PRKN: variants seen among roughly 807,000 people sequenced by gnomAD.
The protein encoded by PRKN is E3 ubiquitin-protein ligase parkin.
PRKN carries 56 observed loss-of-function variants against 59.5 expected under a neutral mutation model. The observed-to-expected ratio is 0.94, with a 90% confidence interval of 0.76 to 1.18. The LOEUF (loss-of-function observed/expected upper bound fraction) is 1.18. PRKN is among the 50% of genes most tolerant of loss of function. The probability of loss-of-function intolerance (pLI) is 0.00; values close to 1 mark genes in which losing one functional copy is unlikely to be tolerated. For synonymous variants in PRKN, 250 were observed against 222.1 expected (o/e 1.13, Z -1.12); for missense variants, 657 against 596.4 (o/e 1.10, Z -1.06).
chr6:162,555,999 A>AG (rs58651355), intron 1 of PRKN, among the ~76,000 whole-genome samples: 1 of 150,186 alleles, frequency 6.7e-6, no homozygotes, highest in Non-Finnish European at 1.5e-5. Flanking sequence ...AAAAAAAAAA[A>AG]GTGAGAAAAC....
chr6:162,298,266 A>C (rs1781772875), intron 2 of PRKN, among the ~76,000 whole-genome samples: 1 of 151,908 alleles, frequency 6.6e-6, no homozygotes, highest in Non-Finnish European at 1.5e-5. Context: ...TGGGGACTGC[A>C]ACCCTCTAGG....
At position 161,549,715 on chromosome 6, in the gene PRKN, C is replaced by T. The variant is rs948331655; in HGVS notation, c.934-712G>A. 6.6e-6 allele frequency among the ~76,000 whole-genome samples: 1 copy of T among 152,142 alleles called. No individual in the cohort carries two copies. The highest frequency in any genetic ancestry group is 6.5e-5 in the Admixed American group (1 of 15,270). ...TTTCAAGGTCTTCTTTGTGGCAGCC[C>T]TACACTTTTGATCTTACATTATTTG... is the stretch of plus-strand genomic sequence containing the variant. On this transcript the variant is annotated intron_variant, in intron 8 of 11. Coordinates refer to ENST00000366898, the MANE Select transcript of PRKN (RefSeq NM_004562.3). This position sits in a 1 kb window ranked among gnomAD's most constrained non-coding sequence, Gnocchi z 6.0.
intron 2 of PRKN, among the ~76,000 whole-genome samples, chr6:162,372,427 G>T (rs1583456300): frequency 1.3e-5 from 2 of 150,898 alleles, no homozygotes; most frequent in Non-Finnish European, 1.5e-5. Context: ...CTACACATGC[G>T]ATCCTCACGA....
At chr6:161,501,103 G>A (rs1777946896) in intron 9 of PRKN, among the ~76,000 whole-genome samples, 1 of 152,080 alleles carries the variant, frequency 6.6e-6, no homozygotes, top group South Asian at 2.1e-4. Flanking sequence ...TCGAACTCCT[G>A]ACCTCGTGAT....
intron 2 of PRKN, among the ~76,000 whole-genome samples, chr6:162,318,248 CTTT>C (rs1256343550): frequency 6.6e-6 from 1 of 151,958 alleles, no homozygotes; most frequent in Non-Finnish European, 1.5e-5. Flanking sequence ...AATTTTATTC[CTTT>C]TTAACGGTGA....
Position 162,597,372 on chromosome 6 carries a change from C to T in PRKN, c.7+130290G>A, listed in dbSNP as rs533571189. On this transcript the variant is annotated intron_variant, in intron 1 of 11. Coordinates refer to ENST00000366898, the MANE Select transcript of PRKN (RefSeq NM_004562.3). Reference sequence around the variant, plus strand: ...TTTCTACTATTTTAGATGTATTTTACGAGGTGGAATTAAAAATGAACATTG... The same window carrying T: ...TTTCTACTATTTTAGATGTATTTTATGAGGTGGAATTAAAAATGAACATTG... Among the ~76,000 whole-genome samples the T allele has an allele frequency of 3.2e-4, 48 of 152,192 alleles. No homozygotes were observed. In the South Asian group the frequency reaches 9.3e-3, roughly 30 times the overall value.
intron 7 of PRKN, among the ~76,000 whole-genome samples, chr6:161,770,540 T>G (rs1255836076): frequency 6.6e-6 from 1 of 152,110 alleles, no homozygotes; most frequent in African/African-American, 2.4e-5. Context: ...CCGTCTCAGC[T>G]CACTGTAACC....
At chr6:162,048,179 C>T (rs1175808520) in intron 5 of PRKN, among the ~76,000 whole-genome samples, 1 of 152,022 alleles carries the variant, frequency 6.6e-6, no homozygotes, top group Non-Finnish European at 1.5e-5. Flanking sequence ...AATTCTGCCT[C>T]TCAAAAATAG....
chr6:162,098,888 G>C (rs1027011317), intron 4 of PRKN, among the ~76,000 whole-genome samples: 13 of 152,158 alleles, frequency 8.5e-5, no homozygotes, highest in African/African-American at 2.4e-4. Flanking sequence ...AGTGAAGAGG[G>C]GTGGATGGAT....
chr6:162,181,769 G>A (rs1388703281), intron 4 of PRKN, among the ~76,000 whole-genome samples: 1 of 152,142 alleles, frequency 6.6e-6, no homozygotes, highest in Non-Finnish European at 1.5e-5. Context: ...ATCATTGCTT[G>A]TCAGCTTCCA....
At chr6:161,490,717 GA>G (rs1465103390) in intron 9 of PRKN, among the ~76,000 whole-genome samples, 1 of 152,030 alleles carries the variant, frequency 6.6e-6, no homozygotes, top group Non-Finnish European at 1.5e-5. Flanking sequence ...CATAGATACA[GA>G]GAGGGTTTGG....
intron 6 of PRKN, among the ~76,000 whole-genome samples, chr6:161,877,094 A>G (rs1562358660): frequency 1.3e-5 from 2 of 152,158 alleles, no homozygotes; most frequent in African/African-American, 4.8e-5. Flanking sequence ...TCCTATATGT[A>G]GTCCCGACCT....
chr6:161,961,532 G>A (rs1780376443), intron 6 of PRKN, among the ~76,000 whole-genome samples: 1 of 152,140 alleles, frequency 6.6e-6, no homozygotes, highest in Non-Finnish European at 1.5e-5. Context: ...AAGAAATAAA[G>A]TTTGGGTCCC....
chr6:161,742,993 A>G (rs945178094), intron 7 of PRKN, among the ~76,000 whole-genome samples: 26 of 152,122 alleles, frequency 1.7e-4, no homozygotes, highest in African/African-American at 6.3e-4. Context: ...AGATTCTCTA[A>G]GCTATATCTG....
intron 7 of PRKN, among the ~76,000 whole-genome samples, chr6:161,610,897 GAGGT>G (rs1409639257): frequency 2.0e-5 from 3 of 152,180 alleles, no homozygotes; most frequent in South Asian, 2.1e-4. Context: ...TGTCACCGAA[GAGGT>G]AGAGAGGAAT....
intron 1 of PRKN, among the ~76,000 whole-genome samples, chr6:162,612,169 G>A (rs1198249081): frequency 8.1e-6 from 1 of 123,886 alleles, no homozygotes; most frequent in Non-Finnish European, 1.6e-5. Flanking sequence ...CTCCAGCCTC[G>A]GAGACAGAGT....
intron 7 of PRKN, among the ~76,000 whole-genome samples, chr6:161,743,369 G>C (rs553040829): frequency 1.4e-5 from 2 of 147,672 alleles, no homozygotes; most frequent in Non-Finnish European, 1.5e-5. Context: ...ACAGGCGCCC[G>C]CCACCACATC....
chr6:161,519,985 G>C (rs142982985), intron 9 of PRKN, among the ~76,000 whole-genome samples: 36 of 152,288 alleles, frequency 2.4e-4, no homozygotes, highest in African/African-American at 7.9e-4. Context: ...CTAAAGGGAG[G>C]AAGTGTATTA....
chr6:161,569,240 A>G (rs1780775030), intron 8 of PRKN, 115 bp downstream of exon 8: 2 of 902,958 alleles, frequency 2.2e-6, no homozygotes, highest in South Asian at 1.3e-5. Flanking sequence ...TTTCTTCCCC[A>G]TTTCAGGGCA....
Sources: gnomAD v4.1 joint callset for allele counts (sites outside exome capture counted in the v4.1 genomes callset) on GRCh38, gnomAD v4.1.1 for gene constraint, Gnocchi (gnomAD v3.1) non-coding constraint, MANE v1.5 for transcripts, NCBI Gene and HGNC (gene_info 2026-07-23, HGNC 2026-07-21) for gene names.